DOT1L: variants seen among roughly 807,000 people sequenced by gnomAD.
DOT1L encodes DOT1 like histone lysine methyltransferase.
A neutral mutation model predicts 153.3 loss-of-function variants in DOT1L; 33 were observed. That is an observed-to-expected ratio of 0.22 (90% CI 0.16 to 0.29). The LOEUF (loss-of-function observed/expected upper bound fraction) is 0.29. DOT1L is among the 10% of genes least tolerant of loss of function. The pLI is 1.00. For synonymous variants in DOT1L, 1,135 were observed against 965.1 expected (o/e 1.18, Z -3.26); for missense variants, 1,847 against 2,119.9 (o/e 0.87, Z 2.53).
intron 1 of DOT1L, among the ~76,000 whole-genome samples, chr19:2,174,739 T>C (rs1295366510): frequency 2.0e-5 from 3 of 148,850 alleles, no homozygotes; most frequent in African/African-American, 7.5e-5. Context: ...CCCACTTCAG[T>C]CTCCCAAACA....
rs1164099109 is a variant in DOT1L at position 2,218,032 on chromosome 19, G to C, written c.2691+114G>C. 5 of 1,437,294 alleles carry C rather than the reference G, an allele frequency of 3.5e-6. No individual in the cohort carries two copies. In the Admixed American group the frequency reaches 6.4e-5, roughly 18 times the overall value. 89.0% of individuals were successfully genotyped at this position (1,437,294 alleles called of 1,614,324 possible). ...TCACGCTGTAAAATGTCGAGCGTGA[G>C]GCAATGCAGTCAAGGTGGGCTGTCC... On this transcript the variant is annotated intron_variant, in intron 22 of 27. Transcript: ENST00000398665.
rs149912000 is a variant in DOT1L, at chr19:2,225,725, C to T, written c.3661+273C>T. ...CATGCTCTCACAGTGGGTGGCTGAC[C>T]TGCGGGGATCGTCACCTTGGGTCCC... On this transcript the variant is annotated intron_variant, in intron 26 of 27. Coordinates refer to ENST00000398665, the MANE Select transcript of DOT1L (RefSeq NM_032482.3). Among the ~76,000 whole-genome samples the T allele has an allele frequency of 2.6e-4, 40 of 152,314 alleles. No individual in the cohort carries two copies. The East Asian group carries it at 7.7e-3, about 29-fold the overall frequency.
chr19:2,221,793 T>C (rs12462556), intron 23 of DOT1L, 183 bp from the exon 24 acceptor site: 130,819 of 645,078 alleles, frequency 0.2, 15,643 homozygotes, highest in African/African-American at 0.45. Flanking sequence ...GCCCTGAGCC[T>C]TGAGCTTGCC....
intron 2 of DOT1L, among the ~76,000 whole-genome samples, chr19:2,183,657 C>T (rs909614092): frequency 3.3e-5 from 5 of 151,066 alleles, no homozygotes; most frequent in African/African-American, 1.2e-4. Context: ...GGCGGAGTCT[C>T]ACTCTGTTGC....
rs2023942049 is a variant in DOT1L, at chr19:2,217,222, G to A, written c.2544+132G>A. 5 of 1,308,990 alleles carry A rather than the reference G, an allele frequency of 3.8e-6. No homozygotes were observed. Among genetic ancestry groups the A allele is most frequent in the Admixed American group, 2.9e-5 (1 of 34,516 alleles). 81.1% of individuals were successfully genotyped at this position (1,308,990 alleles called of 1,614,324 possible). On this transcript the variant is annotated intron_variant, in intron 21 of 27. Coordinates refer to ENST00000398665, the MANE Select transcript of DOT1L (RefSeq NM_032482.3). The surrounding 1 kb of genome is among the most constrained non-coding windows in gnomAD (Gnocchi z 7.3). ...AGGTACTGGGGCTGACCTGGAGTAG[G>A]ATGTTGTGGCAGAGTTGGGGGCAAC...
intron 8 of DOT1L, 79 bp downstream of exon 8, chr19:2,200,018 G>A (rs368910410): frequency 1.9e-6 from 3 of 1,559,644 alleles, no homozygotes; most frequent in Admixed American, 1.8e-5. Flanking sequence ...CGGGGACCGG[G>A]AGCGGCCCCT....
chr19:2,208,884 G>T lies in DOT1L; in HGVS notation c.964-51G>T. 1 of 1,591,846 alleles carries T rather than the reference G, an allele frequency of 6.3e-7. No individual in the cohort carries two copies. Among genetic ancestry groups the T allele is most frequent in the South Asian group, 1.1e-5 (1 of 88,856 alleles). ...GTTACCTGGGTGTCCAGACAAATCC[G>T]AACAGAGATTGGGACTCCCTTCTAA... On this transcript the variant is annotated intron_variant, in intron 11 of 27. Transcript: ENST00000398665. This position sits in a 1 kb window ranked among gnomAD's most constrained non-coding sequence, Gnocchi z 4.4.
chr19:2,227,596 C>T (rs1409810852), intron 27 of DOT1L: 8 of 991,696 alleles, frequency 8.1e-6, no homozygotes, highest in Non-Finnish European at 1.1e-5. Flanking sequence ...ACGAGCCTGG[C>T]CGAGCCGCTG....
chr19:2,219,025 CTATGCCCAGCTGATTTTTG>C (rs2024016486), intron 22 of DOT1L, among the ~76,000 whole-genome samples: 1 of 152,230 alleles, frequency 6.6e-6, no homozygotes, highest in Non-Finnish European at 1.5e-5. Flanking sequence ...GCATGCACCA[CTATGCCCAGCTGATTTTTG>C]TATTTTTAGT....
chr19:2,208,821 C>G lies in DOT1L; in HGVS notation c.964-114C>G. 1.8e-6 allele frequency: 2 copies of G among 1,105,856 alleles called. No individual in the cohort carries two copies. The highest frequency in any genetic ancestry group is 1.5e-5 in the South Asian group (1 of 67,018). The allele number at this position is 1,105,856 out of a possible 1,614,324, so 68.5% of individuals were successfully genotyped here. ...GCTGCATGCCTGCTGTCCCCAGATA[C>G]CAGAACAGCCTCCCCAGCCACTGTC... On this transcript the variant is annotated intron_variant, in intron 11 of 27. Transcript: ENST00000398665. This position sits in a 1 kb window ranked among gnomAD's most constrained non-coding sequence, Gnocchi z 4.4.
At position 2,222,184 on chromosome 19, in the gene DOT1L, G is replaced by A. The variant is rs988817026; in HGVS notation, c.3015G>A (p.Gln1005=). The A allele has an allele frequency of 6.2e-7, 1 of 1,613,058 alleles. No individual in the cohort carries two copies. Among genetic ancestry groups the A allele is most frequent in the Admixed American group, 1.7e-5 (1 of 60,014 alleles). Residue 1005 remains glutamine (Q), a synonymous_variant, in exon 24 of 28, where the codon CAG becomes CAA. Coordinates refer to ENST00000398665, the MANE Select transcript of DOT1L (RefSeq NM_032482.3). The surrounding 1 kb of genome is among the most constrained non-coding windows in gnomAD (Gnocchi z 6.5). ...RNSLPASPAH[Q]LSSSPRLGGA... is the part of the protein sequence containing the mutation. ...CGCTTCCTGCCTCTCCCGCCCACCA[G>A]CTCTCCTCCAGTCCCCGGCTTGGTG... is the stretch of plus-strand genomic sequence containing the variant.
chr19:2,194,859 A>G (rs2022951062), intron 7 of DOT1L, among the ~76,000 whole-genome samples: 1 of 152,146 alleles, frequency 6.6e-6, no homozygotes, highest in African/African-American at 2.4e-5. Context: ...TTGGGGCTCC[A>G]TGGAGCGGAG....
intron 3 of DOT1L, among the ~76,000 whole-genome samples, chr19:2,186,650 T>C (rs2022519659): frequency 6.6e-6 from 1 of 152,178 alleles, no homozygotes; most frequent in African/African-American, 2.4e-5. Flanking sequence ...GGGACTCTTG[T>C]CTGGGGTCAG....
intron 1 of DOT1L, 135 bp from the exon 2 acceptor site, chr19:2,180,578 G>T: frequency 3.9e-6 from 4 of 1,034,016 alleles, no homozygotes; most frequent in Non-Finnish European, 5.7e-6. Context: ...TACCCGCTGG[G>T]TGGTGGGCTT....
intron 17 of DOT1L, 103 bp from the exon 18 acceptor site, chr19:2,213,746 C>G (rs972854405): frequency 2.7e-5 from 43 of 1,600,022 alleles, no homozygotes; most frequent in Non-Finnish European, 3.6e-5. Context: ...ATGCCTCTGT[C>G]CAGCTGTGTC....
At chr19:2,194,627 T>G in intron 7 of DOT1L, 50 bp downstream of exon 7, 1 of 1,459,562 alleles carries the variant, frequency 6.9e-7, no homozygotes, top group Non-Finnish European at 9.3e-7. Context: ...CCACCCCCGC[T>G]CCCACCCTCC....
Position 2,223,548 on chromosome 19 carries a change from C to T in DOT1L, c.3596+62C>T, listed in dbSNP as rs1014614670. The T allele has an allele frequency of 7.0e-3, 2,527 of 361,688 alleles. 9 individuals carry two copies. The highest frequency in any genetic ancestry group is 0.01 in the Non-Finnish European group (2,375 of 236,338). The allele number at this position is 361,688 out of a possible 1,614,324, so 22.4% of individuals were successfully genotyped here. A position where few individuals can be genotyped will look rare whatever the true frequency, so the allele number is the denominator to read the frequency against. ...AGCAGGGGCAGGAGGTGCCTGCTCA[C>T]TGTGTGTGTGTGGGTGGGTGGGTGG... On this transcript the variant is annotated intron_variant, in intron 25 of 27. Transcript: ENST00000398665.
chr19:2,182,732 G>T (rs1243136247), intron 2 of DOT1L, among the ~76,000 whole-genome samples: 3 of 152,184 alleles, frequency 2.0e-5, no homozygotes. Context: ...CTCCCCATGG[G>T]AAGGGGCCTG....
chr19:2,219,646 G>T (rs922334060), intron 22 of DOT1L, among the ~76,000 whole-genome samples: 1 of 152,268 alleles, frequency 6.6e-6, no homozygotes, highest in Non-Finnish European at 1.5e-5. Flanking sequence ...GGGTTCTGCG[G>T]TCACTCTACT....
Sources: allele counts gnomAD v4.1 joint callset (sites outside exome capture counted in the v4.1 genomes callset), GRCh38; gene constraint gnomAD v4.1.1; non-coding constraint Gnocchi (gnomAD v3.1); transcripts MANE v1.5; gene names NCBI Gene and HGNC (gene_info 2026-07-23, HGNC 2026-07-21).